Variants in SCN2A observed in about 807,000 individuals in gnomAD.
The protein encoded by SCN2A is sodium voltage-gated channel alpha subunit 2, also known as sodium channel protein type 2 subunit alpha.
Under a neutral mutation model 188.7 loss-of-function variants are expected in SCN2A, and 20 were observed. That is an observed-to-expected ratio of 0.11 (90% CI 0.07 to 0.15). The LOEUF is 0.15. Among genes scored for constraint, SCN2A ranks in the 10% least tolerant of loss-of-function variants. The pLI is 1.00. For synonymous variants in SCN2A, 804 were observed against 833.1 expected (o/e 0.97, Z 0.60); for missense variants, 1,278 against 2,445.0 (o/e 0.52, Z 10.07).
intron 1 of SCN2A, among the ~76,000 whole-genome samples, chr2:165,284,136 AT>A (rs1418291918): frequency 3.3e-5 from 5 of 151,650 alleles, no homozygotes; most frequent in Non-Finnish European, 7.4e-5. Flanking sequence ...GAATGTAGCT[AT>A]TTTTTGAGCA....
intron 1 of SCN2A, among the ~76,000 whole-genome samples, chr2:165,281,464 G>A (rs1447089708): frequency 1.3e-5 from 2 of 151,956 alleles, no homozygotes; most frequent in East Asian, 3.9e-4. Flanking sequence ...GAAAGCAAGT[G>A]CAAAGCCATG....
intron 16 of SCN2A, among the ~76,000 whole-genome samples, chr2:165,353,336 C>T (rs989646084): frequency 6.6e-6 from 1 of 151,872 alleles, no homozygotes; most frequent in Non-Finnish European, 1.5e-5. Flanking sequence ...TCTGATTTGT[C>T]CAGTTATCTA....
rs1443183478 is a variant in SCN2A at position 165,239,535 on chromosome 2, T to G, written c.-157T>G. 9.1e-6 allele frequency: 6 copies of G among 660,678 alleles called. No individual in the cohort carries two copies. The highest frequency in any genetic ancestry group is 1.1e-5 in the Non-Finnish European group (6 of 533,926). The allele number at this position is 660,678 out of a possible 1,614,324, so 40.9% of individuals were successfully genotyped here. On this transcript the variant is annotated 5_prime_UTR_variant, in exon 1 of 27. Coordinates refer to ENST00000375437, the MANE Select transcript of SCN2A (RefSeq NM_001040142.2). ...TAATGAGGATAGAGCACATGTGAGA[T>G]TTTACTTTCTACTCCAGTAAAAATT... is the stretch of plus-strand genomic sequence containing the variant.
chr2:165,278,345 C>T (rs959196960), intron 1 of SCN2A, among the ~76,000 whole-genome samples: 7 of 152,088 alleles, frequency 4.6e-5, no homozygotes, highest in African/African-American at 1.7e-4. Flanking sequence ...ACTGGGGAGG[C>T]GTCAGGAAAC....
At chr2:165,283,719 T>C (rs1340440339) in intron 1 of SCN2A, among the ~76,000 whole-genome samples, 2 of 152,192 alleles carry the variant, frequency 1.3e-5, no homozygotes, top group African/African-American at 4.8e-5. Context: ...TTATATCATA[T>C]TTCCCTTCTT....
At chr2:165,309,550 TA>T in intron 6 of SCN2A, 107 bp downstream of exon 6, 3 of 1,317,908 alleles carry the variant, frequency 2.3e-6, no homozygotes, top group Non-Finnish European at 1.1e-6. Context: ...AATAAATATG[TA>T]AAAAAGCAAG....
chr2:165,275,953 T>G (rs1695321191), intron 1 of SCN2A, among the ~76,000 whole-genome samples: 1 of 152,154 alleles, frequency 6.6e-6, no homozygotes, highest in Non-Finnish European at 1.5e-5. Flanking sequence ...CAGGCTGGTC[T>G]TGAACTCCTA....
chr2:165,288,151 T>A (rs1313897481), intron 1 of SCN2A, among the ~76,000 whole-genome samples: 1 of 152,200 alleles, frequency 6.6e-6, no homozygotes, highest in Non-Finnish European at 1.5e-5. Context: ...TTGTGTCTGG[T>A]GATAGCTTGT....
At chr2:165,337,504 A>G (rs1699066084) in intron 14 of SCN2A, among the ~76,000 whole-genome samples, 1 of 152,120 alleles carries the variant, frequency 6.6e-6, no homozygotes. Flanking sequence ...AACAGGATAA[A>G]TATAAAGTAA....
Position 165,374,841 on chromosome 2 carries a change from G to T in SCN2A, c.4129G>T (p.Val1377Leu), listed in dbSNP as rs1407740477. 3.1e-6 allele frequency: 5 copies of T among 1,613,466 alleles called. No homozygotes were observed. The Admixed American group carries it at 6.7e-5, about 22-fold the overall frequency. The change falls in exon 22 of 27, where the codon GTA becomes TTA. Residue 1377 changes from valine (V) to leucine (L), a missense_variant. Coordinates refer to ENST00000375437, the MANE Select transcript of SCN2A (RefSeq NM_001040142.2). ...TTACACCACTGGAGAGATGTTTGAT[G>T]TAAGCGTGGTCAACAACTACAGTGA... ...INYTTGEMFDVSVVNNYSECK... is the reference protein window; with the variant it reads ...INYTTGEMFDLSVVNNYSECK...
At chr2:165,313,372 T>C (rs939729090) in intron 8 of SCN2A, among the ~76,000 whole-genome samples, 2 of 152,134 alleles carry the variant, frequency 1.3e-5, no homozygotes, top group Non-Finnish European at 2.9e-5. Flanking sequence ...ATTGCTTTTA[T>C]ATGGAGACAT....
In SCN2A at chr2:165,323,168, A is replaced by G. The variant is rs1189655134; in HGVS notation, c.1684A>G (p.Ile562Val). 2 of 1,614,002 alleles carry G rather than the reference A, an allele frequency of 1.2e-6. No individual in the cohort carries two copies. The highest frequency in any genetic ancestry group is 2.2e-5 in the East Asian group (1 of 44,880). The change falls in exon 12 of 27, where the codon ATC becomes GTC. Residue 562 changes from isoleucine to valine, a missense_variant. Transcript: ENST00000375437. ...FSSPHQSLLS[I>V]RGSLFSPRRN... ...TTGTTATTCATAGTCCTTACTGAGCATCCGTGGCTCCCTTTTCTCTCCAAG... is the reference window on the plus strand; with the variant it reads ...TTGTTATTCATAGTCCTTACTGAGCGTCCGTGGCTCCCTTTTCTCTCCAAG...
chr2:165,380,046 G>T (rs1156966307), intron 23 of SCN2A, among the ~76,000 whole-genome samples: 1 of 151,768 alleles, frequency 6.6e-6, no homozygotes, highest in Non-Finnish European at 1.5e-5. Flanking sequence ...AATGATTCTT[G>T]CCTATCTAAA....
At chr2:165,344,934 T>C in intron 16 of SCN2A, 23 bp downstream of exon 16, 1 of 1,613,328 alleles carries the variant, frequency 6.2e-7, no homozygotes, top group Non-Finnish European at 8.5e-7. Context: ...AACATTTTCC[T>C]CATTTTCATT....
intron 12 of SCN2A, 130 bp downstream of exon 12, chr2:165,323,630 G>T (rs927877425): frequency 1.2e-6 from 1 of 833,618 alleles, no homozygotes; most frequent in South Asian, 1.5e-5. Flanking sequence ...GTTCAATCAA[G>T]CTGTTAACTG....
chr2:165,287,521 T>TA (rs1359669037), intron 1 of SCN2A, among the ~76,000 whole-genome samples: 5 of 152,032 alleles, frequency 3.3e-5, no homozygotes, highest in African/African-American at 1.2e-4. Context: ...GGTGTTTTTT[T>TA]TTTTTAAGCC....
At chr2:165,347,498 G>A (rs1379805481) in intron 16 of SCN2A, among the ~76,000 whole-genome samples, 2 of 152,006 alleles carry the variant, frequency 1.3e-5, no homozygotes, top group African/African-American at 2.4e-5. Flanking sequence ...TGTAGATTAC[G>A]GGTTAATGGA....
Position 165,391,589 on chromosome 2 carries a change from A to G in SCN2A, c.*1765A>G, listed in dbSNP as rs984199027. On this transcript the variant is annotated 3_prime_UTR_variant, in exon 27 of 27. Transcript: ENST00000375437. ...GTAAACTTGCACACATTTCAATGTGAAACAAATCTCAAACTGAGTTCAATG... is the reference window on the plus strand; with the variant it reads ...GTAAACTTGCACACATTTCAATGTGGAACAAATCTCAAACTGAGTTCAATG... The G allele has an allele frequency of 1.3e-5, 2 of 152,500 alleles. No homozygotes were observed. Among genetic ancestry groups the G allele is most frequent in the African/African-American group, 4.8e-5 (2 of 41,434 alleles). The allele number at this position is 152,500 out of a possible 1,614,324, so 9.4% of individuals were successfully genotyped here. A position where few individuals can be genotyped will look rare whatever the true frequency, so the allele number is the denominator to read the frequency against.
chr2:165,252,867 T>G (rs987021243), intron 1 of SCN2A, among the ~76,000 whole-genome samples: 2 of 150,738 alleles, frequency 1.3e-5, no homozygotes, highest in African/African-American at 4.9e-5. Flanking sequence ...GGAGGGGGGG[T>G]GTGGCTGCTT....
Sources: allele counts gnomAD v4.1 joint callset (sites outside exome capture counted in the v4.1 genomes callset), GRCh38; gene constraint gnomAD v4.1.1; transcripts MANE v1.5; gene names NCBI Gene and HGNC (gene_info 2026-07-23, HGNC 2026-07-21).